CBLB: variants seen among roughly 807,000 people sequenced by gnomAD.
CBLB encodes Cbl proto-oncogene B.
Under a neutral mutation model 104.9 loss-of-function variants are expected in CBLB, and 31 were observed. The ratio of observed to expected loss-of-function variants is 0.30; its 90% CI spans 0.22 to 0.40. The LOEUF (loss-of-function observed/expected upper bound fraction) is 0.40, where lower values mean the gene tolerates loss of function less well. Ranked by LOEUF, CBLB falls within the 10% of genes least tolerant of loss-of-function variation. The pLI is 1.00. For missense variants in CBLB, 1,062 were observed against 1,214.6 expected (o/e 0.87, Z 1.87); for synonymous variants, 440 against 422.6 (o/e 1.04, Z -0.51).
chr3:105,699,966 A>G (rs1432490738), intron 12 of CBLB, among the ~76,000 whole-genome samples: 1 of 152,146 alleles, frequency 6.6e-6, no homozygotes, highest in Non-Finnish European at 1.5e-5. Flanking sequence ...AGGAAATCTT[A>G]ATGAGAATTA....
chr3:105,697,790 T>C (rs976972807), intron 12 of CBLB, among the ~76,000 whole-genome samples: 1 of 152,098 alleles, frequency 6.6e-6, no homozygotes, highest in Non-Finnish European at 1.5e-5. Context: ...CAGTTAAAGA[T>C]AGTTTTATCA....
intron 3 of CBLB, among the ~76,000 whole-genome samples, chr3:105,806,538 T>G (rs1284048040): frequency 6.7e-6 from 1 of 148,952 alleles, no homozygotes; most frequent in Non-Finnish European, 1.5e-5. Context: ...CAAGTGGATA[T>G]TCTTTTTAAA....
At chr3:105,858,956 T>C (rs1459669983) in intron 2 of CBLB, among the ~76,000 whole-genome samples, 1 of 152,156 alleles carries the variant, frequency 6.6e-6, no homozygotes, top group Non-Finnish European at 1.5e-5. Context: ...TTCCAATACA[T>C]AAATATGTAT....
intron 4 of CBLB, among the ~76,000 whole-genome samples, chr3:105,771,553 G>A (rs2078875568): frequency 6.6e-6 from 1 of 151,766 alleles, no homozygotes; most frequent in African/African-American, 2.4e-5. Context: ...TAAAAAAAAA[G>A]AAAGAAGAAG....
intron 3 of CBLB, among the ~76,000 whole-genome samples, chr3:105,835,602 G>A (rs1414820159): frequency 6.6e-6 from 1 of 152,210 alleles, no homozygotes; most frequent in Non-Finnish European, 1.5e-5. Context: ...ACTAGCTCCA[G>A]ATTAACTAAT....
chr3:105,789,985 C>T (rs1430161558), intron 3 of CBLB, among the ~76,000 whole-genome samples: 1 of 152,170 alleles, frequency 6.6e-6, no homozygotes, highest in Non-Finnish European at 1.5e-5. Flanking sequence ...TAACAGATCA[C>T]TGTACCTGTC....
chr3:105,836,168 TAAGA>T (rs908741653), intron 3 of CBLB, among the ~76,000 whole-genome samples: 4 of 152,184 alleles, frequency 2.6e-5, no homozygotes, highest in South Asian at 2.1e-4. Context: ...CCACTTCTCT[TAAGA>T]AATAGTAAAA....
chr3:105,752,485 A>G (rs1576880177), intron 4 of CBLB, among the ~76,000 whole-genome samples: 1 of 152,216 alleles, frequency 6.6e-6, no homozygotes, highest in East Asian at 1.9e-4. Flanking sequence ...GAAGAAAGAA[A>G]TCATTCAGTT....
At chr3:105,853,940 C>T (rs762724892) in intron 2 of CBLB, among the ~76,000 whole-genome samples, 1 of 152,216 alleles carries the variant, frequency 6.6e-6, no homozygotes, top group Middle Eastern at 3.4e-3. Flanking sequence ...CTTAAAAGAA[C>T]TCCAGTATGC....
intron 16 of CBLB, 165 bp downstream of exon 16, chr3:105,681,314 A>G (rs2066287549): frequency 1.5e-6 from 1 of 654,144 alleles, no homozygotes; most frequent in Non-Finnish European, 2.7e-6. Flanking sequence ...ACATGGAGTA[A>G]TGGTCTCGTG....
chr3:105,760,327 T>C (rs1405808030), intron 4 of CBLB, among the ~76,000 whole-genome samples: 1 of 152,208 alleles, frequency 6.6e-6, no homozygotes, highest in Non-Finnish European at 1.5e-5. Context: ...TTTTTCCACT[T>C]AGAAGCCACT....
intron 10 of CBLB, among the ~76,000 whole-genome samples, chr3:105,716,502 C>CT (rs1559934769): frequency 1.3e-5 from 2 of 152,124 alleles, no homozygotes; most frequent in African/African-American, 4.8e-5. Context: ...AAGAACATAA[C>CT]ATCATAGCAA....
chr3:105,827,382 T>A (rs958624357), intron 3 of CBLB, among the ~76,000 whole-genome samples: 1 of 152,206 alleles, frequency 6.6e-6, no homozygotes, highest in African/African-American at 2.4e-5. Context: ...CAATTTCTTG[T>A]AAGTGTTATT....
At chr3:105,727,505 C>A (rs1053998342) in intron 9 of CBLB, among the ~76,000 whole-genome samples, 2 of 152,030 alleles carry the variant, frequency 1.3e-5, no homozygotes, top group Non-Finnish European at 2.9e-5. Flanking sequence ...GTTGTCTGTT[C>A]ACTCTGACGA....
chr3:105,761,880 G>A (rs1388087859), intron 4 of CBLB, among the ~76,000 whole-genome samples: 1 of 152,158 alleles, frequency 6.6e-6, no homozygotes, highest in Non-Finnish European at 1.5e-5. Context: ...TTGTTGAATG[G>A]TTTTGACGAA....
Position 105,702,340 on chromosome 3 carries a change from C to T in CBLB, c.1713G>A (p.Leu571=). 1 of 1,613,900 alleles carries T rather than the reference C, an allele frequency of 6.2e-7. No homozygotes were observed. The highest frequency in any genetic ancestry group is 1.3e-5 in the African/African-American group (1 of 74,954). ...TTTCCACATGATGGATGTGTCTACT[C>T]AGTCTATTGTCTGGTGGGATTGGTG... ...RPPPIPPDNR[L]SRHIHHVESV... The change falls in exon 12 of 19, where the codon CTG becomes CTA. Residue 571 remains leucine, a synonymous_variant. Transcript: ENST00000394030.
At chr3:105,746,098 C>T (rs2152895405) in intron 5 of CBLB, 60 bp from the exon 6 acceptor site, 2 of 1,086,162 alleles carry the variant, frequency 1.8e-6, no homozygotes, top group South Asian at 1.3e-5. Context: ...ATTTTGATTA[C>T]ATACTGAACC....
At chr3:105,727,277 T>A (rs1238023460) in intron 9 of CBLB, among the ~76,000 whole-genome samples, 1 of 152,212 alleles carries the variant, frequency 6.6e-6, no homozygotes, top group African/African-American at 2.4e-5. Flanking sequence ...CTCATTGTGG[T>A]TTTGATTTGC....
At chr3:105,772,942 T>G (rs1241487543) in intron 4 of CBLB, among the ~76,000 whole-genome samples, 1 of 152,106 alleles carries the variant, frequency 6.6e-6, no homozygotes, top group Non-Finnish European at 1.5e-5. Flanking sequence ...CTGGTGGGAG[T>G]ATGAATTAGT....
Sources: allele counts gnomAD v4.1 joint callset (sites outside exome capture counted in the v4.1 genomes callset), GRCh38; gene constraint gnomAD v4.1.1; transcripts MANE v1.5; gene names NCBI Gene and HGNC (gene_info 2026-07-23, HGNC 2026-07-21).